SNX29: variants seen among roughly 807,000 people sequenced by gnomAD.
The protein encoded by SNX29 is sorting nexin 29.
A neutral mutation model predicts 102.1 loss-of-function variants in SNX29; 78 were observed. That is an observed-to-expected ratio of 0.76 (90% CI 0.64 to 0.92). The LOEUF is 0.92. Ranked by LOEUF, SNX29 falls within the 40% of genes least tolerant of loss-of-function variation. The pLI is 0.00. For synonymous variants in SNX29, 580 were observed against 414.5 expected, an observed-to-expected ratio of 1.40 and a Z score of -4.85; for missense variants, 1,280 against 1,061.7, an observed-to-expected ratio of 1.21 and a Z score of -2.86.
chr16:12,473,287 G>C (rs1389799766), intron 18 of SNX29, among the ~76,000 whole-genome samples: 1 of 152,030 alleles, frequency 6.6e-6, no homozygotes, highest in Non-Finnish European at 1.5e-5. Flanking sequence ...GGGTAATTTT[G>C]AGTAATTTTG....
intron 4 of SNX29, among the ~76,000 whole-genome samples, chr16:12,035,031 G>C (rs1251823214): frequency 6.6e-6 from 1 of 151,892 alleles, no homozygotes; most frequent in African/African-American, 2.4e-5. Flanking sequence ...AGGTAAAAAA[G>C]ACTCAGTTTG....
At chr16:12,127,350 C>G (rs1023356918) in intron 12 of SNX29, among the ~76,000 whole-genome samples, 1 of 151,732 alleles carries the variant, frequency 6.6e-6, no homozygotes, top group South Asian at 2.1e-4. Context: ...TCAACACAGT[C>G]AATTTTAGAA....
intron 14 of SNX29, among the ~76,000 whole-genome samples, chr16:12,241,328 T>G (rs374810534): frequency 6.6e-6 from 1 of 152,192 alleles, no homozygotes; most frequent in African/African-American, 2.4e-5. Context: ...ATCACTGTTT[T>G]ACGTTAAAAG....
At chr16:12,560,850 T>G (rs761319046) in intron 20 of SNX29, 31 of 182,948 alleles carry the variant, frequency 1.7e-4, no homozygotes, top group East Asian at 7.2e-4. Flanking sequence ...AAGGATGTTA[T>G]GAGAATTGGT....
chr16:12,535,347 G>A (rs190716536), intron 20 of SNX29, among the ~76,000 whole-genome samples: 1 of 152,170 alleles, frequency 6.6e-6, no homozygotes, highest in African/African-American at 2.4e-5. Flanking sequence ...TGTTGGCCAG[G>A]CTGGTCTCGA....
At chr16:12,380,843 CCACCATCT>C (rs1360191265) in intron 16 of SNX29, among the ~76,000 whole-genome samples, 2 of 55,580 alleles carry the variant, frequency 3.6e-5, no homozygotes. Context: ...ACCCACCCAC[CCACCATCT>C]ATCCATCCAC....
intron 18 of SNX29, among the ~76,000 whole-genome samples, chr16:12,461,177 C>G (rs937728827): frequency 1.3e-5 from 2 of 152,170 alleles, no homozygotes; most frequent in Non-Finnish European, 2.9e-5. Context: ...CTCAGGCAGC[C>G]TTAGTCTTAT....
intron 13 of SNX29, among the ~76,000 whole-genome samples, chr16:12,134,093 C>T (rs985160034): frequency 2.0e-5 from 3 of 152,092 alleles, no homozygotes; most frequent in Non-Finnish European, 4.4e-5. Flanking sequence ...TTGAAATAAT[C>T]GATTGCCTTG....
intron 20 of SNX29, among the ~76,000 whole-genome samples, chr16:12,538,921 G>C (rs1182347900): frequency 6.6e-6 from 1 of 152,184 alleles, no homozygotes; most frequent in Admixed American, 6.5e-5. Context: ...GTGGGAGAAA[G>C]GGTGGCTGTG....
intron 15 of SNX29, among the ~76,000 whole-genome samples, chr16:12,283,958 G>A (rs990793135): frequency 1.3e-5 from 2 of 152,190 alleles, no homozygotes; most frequent in Non-Finnish European, 2.9e-5. Context: ...CATGCTTCTT[G>A]AAATTCTAAG....
At chr16:12,360,929 G>A (rs986180201) in intron 16 of SNX29, among the ~76,000 whole-genome samples, 9 of 152,286 alleles carry the variant, frequency 5.9e-5, no homozygotes, top group Middle Eastern at 3.4e-3. Flanking sequence ...TTCAGACTCC[G>A]GTTTAATTAC....
chr16:12,309,730 G>C (rs576327919), intron 15 of SNX29, among the ~76,000 whole-genome samples: 15 of 152,244 alleles, frequency 9.9e-5, no homozygotes, highest in Non-Finnish European at 1.9e-4. Context: ...CTCTTAAATC[G>C]CTCCCGCCAG....
chr16:12,536,849 A>C (rs1420566107), intron 20 of SNX29, among the ~76,000 whole-genome samples: 7 of 152,092 alleles, frequency 4.6e-5, no homozygotes, highest in Admixed American at 4.6e-4. Context: ...GGTGGTGCAC[A>C]CCTGTAATTG....
chr16:12,111,980 A>C (rs373303252), intron 11 of SNX29, among the ~76,000 whole-genome samples: 43 of 152,278 alleles, frequency 2.8e-4, no homozygotes, highest in African/African-American at 9.4e-4. Flanking sequence ...GTCCGCAGAC[A>C]CACCCACCCC....
At chr16:12,428,655 T>G (rs903679323) in intron 18 of SNX29, among the ~76,000 whole-genome samples, 2 of 152,174 alleles carry the variant, frequency 1.3e-5, no homozygotes, top group Non-Finnish European at 2.9e-5. Context: ...GATATTTGAT[T>G]GCAATTAATA....
At chr16:12,103,293 G>T (rs2053095131) in intron 11 of SNX29, among the ~76,000 whole-genome samples, 1 of 152,194 alleles carries the variant, frequency 6.6e-6, no homozygotes, top group Non-Finnish European at 1.5e-5. Flanking sequence ...CATGTTACCT[G>T]ACTTCAAACT....
chr16:12,234,695 C>A (rs996188810), intron 14 of SNX29, among the ~76,000 whole-genome samples: 1 of 152,130 alleles, frequency 6.6e-6, no homozygotes, highest in African/African-American at 2.4e-5. Flanking sequence ...GAGATGCTGT[C>A]GGCTTCAGCC....
At chr16:12,122,372 G>T (rs924521205) in intron 11 of SNX29, among the ~76,000 whole-genome samples, 3 of 152,142 alleles carry the variant, frequency 2.0e-5, no homozygotes, top group Admixed American at 2.0e-4. Context: ...GGGTGGGACT[G>T]GAGGCCTGTG....
chr16:12,227,665 T>C (rs830721), intron 14 of SNX29, among the ~76,000 whole-genome samples: 108,198 of 151,860 alleles, frequency 0.71, 39,398 homozygotes, highest in African/African-American at 0.86. Context: ...TTTGGCGGGC[T>C]GAGACAGGCA....
Sources: allele counts gnomAD v4.1 joint callset (sites outside exome capture counted in the v4.1 genomes callset), GRCh38; gene constraint gnomAD v4.1.1; transcripts MANE v1.5; gene names NCBI Gene and HGNC (gene_info 2026-07-23, HGNC 2026-07-21).